The following IPO11 variants were observed in gnomAD, a reference collection of about 807,000 sequenced individuals.
IPO11 encodes importin-11.
Under a neutral mutation model 143.2 loss-of-function variants are expected in IPO11, and 66 were observed. The observed-to-expected ratio is 0.46, with a 90% CI of 0.38 to 0.57. The LOEUF (loss-of-function observed/expected upper bound fraction) is 0.57, where lower values mean the gene tolerates loss of function less well. IPO11 is among the 20% of genes least tolerant of loss of function. The pLI is 0.00. For synonymous variants in IPO11, 385 were observed against 377.8 expected, an observed-to-expected ratio of 1.02 and a Z score of -0.22; for missense variants, 1,026 against 1,141.0, an observed-to-expected ratio of 0.90 and a Z score of 1.45.
chr5:62,546,067 A>G (rs1743163977), intron 24 of IPO11, among the ~76,000 whole-genome samples: 1 of 152,236 alleles, frequency 6.6e-6, no homozygotes, highest in African/African-American at 2.4e-5. Flanking sequence ...AGAACTAGAA[A>G]TACCATTTGG....
chr5:62,618,160 C>T (rs932811613), intron 29 of IPO11, among the ~76,000 whole-genome samples: 4 of 151,986 alleles, frequency 2.6e-5, no homozygotes, highest in African/African-American at 7.2e-5. Flanking sequence ...AATTATCTGA[C>T]CACATTAAAG....
chr5:62,585,486 T>A (rs1206491384), intron 27 of IPO11, among the ~76,000 whole-genome samples: 2 of 152,122 alleles, frequency 1.3e-5, no homozygotes, highest in African/African-American at 4.8e-5. Context: ...AAAGATAGCC[T>A]GTGAAGGTGG....
intron 27 of IPO11, chr5:62,580,349 A>T: frequency 6.5e-7 from 1 of 1,543,388 alleles, no homozygotes; most frequent in Non-Finnish European, 8.8e-7. Context: ...AATTTAATTT[A>T]CCTTAAGTTA....
intron 19 of IPO11, among the ~76,000 whole-genome samples, chr5:62,508,648 G>A (rs549657475): frequency 1.5e-5 from 2 of 132,550 alleles, no homozygotes; most frequent in African/African-American, 5.5e-5. Context: ...CTTTCACAAA[G>A]TGCAGGTTTG....
intron 5 of IPO11, among the ~76,000 whole-genome samples, chr5:62,464,736 G>A (rs1745509102): frequency 6.6e-6 from 1 of 152,140 alleles, no homozygotes; most frequent in African/African-American, 2.4e-5. Flanking sequence ...GCCTCCCAAA[G>A]CACTGACATT....
At chr5:62,560,222 G>A (rs1053345398) in intron 26 of IPO11, among the ~76,000 whole-genome samples, 3 of 152,150 alleles carry the variant, frequency 2.0e-5, no homozygotes, top group African/African-American at 7.2e-5. Context: ...GGGCTAATCA[G>A]AAGCCATCAT....
intron 27 of IPO11, among the ~76,000 whole-genome samples, chr5:62,587,297 T>C (rs1023478191): frequency 5.3e-5 from 8 of 152,166 alleles, no homozygotes; most frequent in African/African-American, 1.9e-4. Flanking sequence ...ACTTTCACTT[T>C]AAGATAGTGA....
chr5:62,440,649 G>T (rs540878514), intron 2 of IPO11, among the ~76,000 whole-genome samples: 3 of 150,644 alleles, frequency 2.0e-5, no homozygotes, highest in African/African-American at 7.3e-5. Context: ...GAGCCACTGC[G>T]CCCAGCCTGC....
intron 9 of IPO11, among the ~76,000 whole-genome samples, chr5:62,481,464 G>T (rs1318279161): frequency 6.6e-6 from 1 of 152,000 alleles, no homozygotes; most frequent in Admixed American, 6.6e-5. Context: ...GAGTTTTTAG[G>T]ATGAAGGGCT....
intron 29 of IPO11, among the ~76,000 whole-genome samples, chr5:62,621,449 A>G (rs980552592): frequency 6.6e-6 from 1 of 152,102 alleles, no homozygotes; most frequent in African/African-American, 2.4e-5. Flanking sequence ...TCCCCCTGCA[A>G]ATGGGGCATA....
At chr5:62,415,992 A>G (rs1463125409) in intron 1 of IPO11, among the ~76,000 whole-genome samples, 2 of 152,114 alleles carry the variant, frequency 1.3e-5, no homozygotes, top group African/African-American at 4.8e-5. Context: ...GGGTAGCTTA[A>G]ACAAGAGAAT....
chr5:62,533,952 T>TAAAA (rs745795199), intron 22 of IPO11, among the ~76,000 whole-genome samples: 1 of 58,726 alleles, frequency 1.7e-5, no homozygotes, highest in Admixed American at 1.6e-4. Context: ...GCTTTCTCTT[T>TAAAA]AAAAAAAAAA....
intron 9 of IPO11, among the ~76,000 whole-genome samples, chr5:62,479,327 C>T (rs1746097236): frequency 6.6e-6 from 1 of 152,172 alleles, no homozygotes; most frequent in African/African-American, 2.4e-5. Flanking sequence ...TTTCTTAATC[C>T]AGTCTATCGT....
At chr5:62,513,534 CG>C (rs1274545455) in intron 19 of IPO11, among the ~76,000 whole-genome samples, 4 of 140,796 alleles carry the variant, frequency 2.8e-5, no homozygotes, top group East Asian at 4.5e-4. Context: ...GCTGGCCGGG[CG>C]GGGGGCTGAG....
rs147680491 is a variant in IPO11 at position 62,483,242 on chromosome 5, A to G, written c.970A>G (p.Ile324Val). 640 of 1,606,428 alleles carry G rather than the reference A, an allele frequency of 4.0e-4. No individual in the cohort carries two copies. The highest frequency in any genetic ancestry group is 5.2e-4 in the Non-Finnish European group (611 of 1,177,092). The change falls in exon 10 of 30, where the codon ATT becomes GTT. Residue 324 changes from isoleucine to valine, a missense_variant. Coordinates refer to ENST00000325324, the MANE Select transcript of IPO11 (RefSeq NM_016338.5). ...ERFIVQCMNL[I>V]KMIVKNYAYK... The stretch of plus-strand genomic sequence containing the variant: ...ATTCATTGTCCAATGTATGAATCTT[A>G]TTAAGATGATTGTCAAAAATTATGC...
rs1454135191 is a variant in IPO11, at chr5:62,505,018, GC to G, written c.1665+121del. ...TTATTAAAGTTGAATTTAAAAGTAT[GC>G]TGTATTGGATTATTTTGGAGGACAT... On this transcript the variant is annotated intron_variant, in intron 18 of 29. Transcript: ENST00000325324. The G allele has an allele frequency of 5.6e-6, 3 of 537,724 alleles. No homozygotes were observed. The African/African-American group carries it at 5.9e-5, about 11-fold the overall frequency. The allele number at this position is 537,724 out of a possible 1,614,324, so 33.3% of individuals were successfully genotyped here.
At chr5:62,513,614 C>A (rs1485711935) in intron 19 of IPO11, among the ~76,000 whole-genome samples, 35 of 145,884 alleles carry the variant, frequency 2.4e-4, no homozygotes, top group Non-Finnish European at 3.9e-4. Flanking sequence ...AGAGGGACTC[C>A]TCACTTCCCA....
chr5:62,447,114 T>C (rs1234498656), intron 3 of IPO11, among the ~76,000 whole-genome samples: 1 of 152,032 alleles, frequency 6.6e-6, no homozygotes, highest in Non-Finnish European at 1.5e-5. Context: ...TATATATATT[T>C]TTTTTTAAGA....
At chr5:62,518,739 G>A (rs1249412883) in intron 20 of IPO11, among the ~76,000 whole-genome samples, 1 of 152,004 alleles carries the variant, frequency 6.6e-6, no homozygotes, top group East Asian at 1.9e-4. Context: ...TTTTAATCCT[G>A]GAAATCCAGA....
Sources: allele counts gnomAD v4.1 joint callset (sites outside exome capture counted in the v4.1 genomes callset), GRCh38; gene constraint gnomAD v4.1.1; transcripts MANE v1.5; gene names NCBI Gene and HGNC (gene_info 2026-07-23, HGNC 2026-07-21).